The following SFMBT2 variants were observed in gnomAD, a reference collection of about 807,000 sequenced individuals.
The protein encoded by SFMBT2 is Scm like with four mbt domains 2.
In SFMBT2, 38 loss-of-function variants were observed where a neutral mutation model predicts 110.1. That is an observed-to-expected ratio of 0.35 (90% CI 0.27 to 0.45). The LOEUF is 0.45. Among genes scored for constraint, SFMBT2 ranks in the 20% least tolerant of loss-of-function variants. The pLI, the probability that SFMBT2 is intolerant of heterozygous loss-of-function variation, is 1.00. For synonymous variants in SFMBT2, 425 were observed against 425.4 expected (o/e 1.00, Z 0.01); for missense variants, 1,011 against 1,094.9 (o/e 0.92, Z 1.08).
intron 20 of SFMBT2, among the ~76,000 whole-genome samples, chr10:7,165,500 C>A (rs918563890): frequency 2.0e-5 from 3 of 152,206 alleles, no homozygotes; most frequent in African/African-American, 7.2e-5. Context: ...AATAATTTAT[C>A]TTCAGATCAG....
chr10:7,206,225 T>C (rs186188801), intron 11 of SFMBT2: 105 of 985,320 alleles, frequency 1.1e-4, no homozygotes, highest in Middle Eastern at 5.2e-4. Flanking sequence ...AGAAGGACCG[T>C]AGGAAAAGAT....
In SFMBT2 at chr10:7,190,709, G is replaced by A. The variant is rs78234620; in HGVS notation, c.1699-1976C>T. 6.1e-3 allele frequency among the ~76,000 whole-genome samples: 925 copies of A among 152,298 alleles called. 6 individuals are homozygous for A. Among genetic ancestry groups the A allele is most frequent in the African/African-American group, 0.021 (878 of 41,572 alleles). ...AATTATTGTGCTTTGCAAAACACTGGAGTTCAGTTCATTATGTGCTTGATC... is the reference window on the plus strand; with the variant it reads ...AATTATTGTGCTTTGCAAAACACTGAAGTTCAGTTCATTATGTGCTTGATC... On this transcript the variant is annotated intron_variant, in intron 15 of 20. Coordinates refer to ENST00000397167, the MANE Select transcript of SFMBT2 (RefSeq NM_001387889.1).
intron 1 of SFMBT2, among the ~76,000 whole-genome samples, chr10:7,396,343 A>G (rs912347814): frequency 1.3e-5 from 2 of 152,240 alleles, no homozygotes; most frequent in Non-Finnish European, 2.9e-5. Flanking sequence ...GGAAACCCCA[A>G]CGTTAGTGAA....
intron 15 of SFMBT2, among the ~76,000 whole-genome samples, chr10:7,195,265 T>A (rs1838731865): frequency 6.6e-6 from 1 of 152,240 alleles, no homozygotes; most frequent in Non-Finnish European, 1.5e-5. Flanking sequence ...GTTTAGTATC[T>A]GCAGGGATCT....
At chr10:7,333,296 C>T (rs1843617006) in intron 4 of SFMBT2, among the ~76,000 whole-genome samples, 3 of 151,958 alleles carry the variant, frequency 2.0e-5, no homozygotes, top group Non-Finnish European at 4.4e-5. Flanking sequence ...AGCCCAATAA[C>T]TTCTTCAAAT....
At chr10:7,371,846 G>A (rs796269870) in intron 2 of SFMBT2, among the ~76,000 whole-genome samples, 1 of 151,214 alleles carries the variant, frequency 6.6e-6, no homozygotes, top group Non-Finnish European at 1.5e-5. Context: ...GATCCTATCA[G>A]ATAGGCCAGG....
chr10:7,256,690 A>G (rs979644210), intron 7 of SFMBT2, among the ~76,000 whole-genome samples: 1 of 152,160 alleles, frequency 6.6e-6, no homozygotes, highest in African/African-American at 2.4e-5. Flanking sequence ...GTTAACCAAG[A>G]CAGGTTACTC....
At chr10:7,342,200 G>A (rs1050103193) in intron 4 of SFMBT2, among the ~76,000 whole-genome samples, 3 of 151,948 alleles carry the variant, frequency 2.0e-5, no homozygotes, top group Non-Finnish European at 4.4e-5. Context: ...GTATATATGT[G>A]TCTGTTATGA....
At chr10:7,177,069 T>G (rs183365098) in intron 16 of SFMBT2, among the ~76,000 whole-genome samples, 1 of 152,200 alleles carries the variant, frequency 6.6e-6, no homozygotes, top group Admixed American at 6.5e-5. Flanking sequence ...TTCCACCTGC[T>G]CTCCAGTCCC....
intron 11 of SFMBT2, among the ~76,000 whole-genome samples, chr10:7,216,133 C>A (rs915148060): frequency 6.6e-6 from 1 of 152,220 alleles, no homozygotes; most frequent in African/African-American, 2.4e-5. Context: ...CAGGAGCCTG[C>A]GTTCACACCT....
At chr10:7,177,525 G>A (rs1838105585) in intron 16 of SFMBT2, among the ~76,000 whole-genome samples, 9 of 152,150 alleles carry the variant, frequency 5.9e-5, no homozygotes, top group Admixed American at 5.9e-4. Context: ...AATTAAACGA[G>A]GTTATAAGGG....
intron 7 of SFMBT2, among the ~76,000 whole-genome samples, chr10:7,263,343 G>A (rs546770063): frequency 1.6e-4 from 24 of 152,306 alleles, no homozygotes; most frequent in African/African-American, 5.8e-4. Flanking sequence ...CCGGGTTCAA[G>A]TGATTCTCCT....
intron 1 of SFMBT2, among the ~76,000 whole-genome samples, chr10:7,383,226 T>C (rs1393901727): frequency 6.6e-6 from 1 of 152,086 alleles, no homozygotes; most frequent in African/African-American, 2.4e-5. Context: ...CCAGGTGCAG[T>C]GGGTAGCCTA....
At chr10:7,355,144 T>C (rs1353332322) in intron 4 of SFMBT2, among the ~76,000 whole-genome samples, 1 of 152,186 alleles carries the variant, frequency 6.6e-6, no homozygotes, top group Non-Finnish European at 1.5e-5. Flanking sequence ...CTGAAGAAAA[T>C]GCTAAATTCA....
chr10:7,303,325 T>G (rs1419175597), intron 4 of SFMBT2, among the ~76,000 whole-genome samples: 1 of 152,260 alleles, frequency 6.6e-6, no homozygotes, highest in South Asian at 2.1e-4. Flanking sequence ...AAATTTATAG[T>G]TGTTTAACAA....
intron 4 of SFMBT2, among the ~76,000 whole-genome samples, chr10:7,313,307 T>C (rs1842906602): frequency 6.6e-6 from 1 of 152,112 alleles, no homozygotes; most frequent in Non-Finnish European, 1.5e-5. Context: ...GCGAATATAA[T>C]ATTCAACATT....
chr10:7,375,822 C>A (rs936638186), intron 2 of SFMBT2, among the ~76,000 whole-genome samples: 11 of 148,544 alleles, frequency 7.4e-5, no homozygotes, highest in Admixed American at 6.1e-4. Context: ...CCAGGGGAAG[C>A]CACAGCTATT....
intron 11 of SFMBT2, among the ~76,000 whole-genome samples, chr10:7,216,119 C>G (rs1274651429): frequency 6.6e-6 from 1 of 152,242 alleles, no homozygotes; most frequent in Non-Finnish European, 1.5e-5. Flanking sequence ...GGCCACAGGG[C>G]CACCAGGAGC....
At chr10:7,371,422 C>T (rs1185025147) in intron 2 of SFMBT2, among the ~76,000 whole-genome samples, 1 of 152,086 alleles carries the variant, frequency 6.6e-6, no homozygotes, top group African/African-American at 2.4e-5. Flanking sequence ...CCACCATGCC[C>T]GGCCAGAATC....
Sources: gnomAD v4.1 joint callset for allele counts (sites outside exome capture counted in the v4.1 genomes callset) on GRCh38, gnomAD v4.1.1 for gene constraint, MANE v1.5 for transcripts, NCBI Gene and HGNC (gene_info 2026-07-23, HGNC 2026-07-21) for gene names.